Variants in BNC2 observed in about 807,000 individuals in gnomAD.
The protein encoded by BNC2 is zinc finger protein basonuclin-2.
In BNC2, 20 loss-of-function variants were observed where a neutral mutation model predicts 76.3. The observed-to-expected ratio is 0.26, with a 90% CI of 0.18 to 0.38. The LOEUF is 0.38. Ranked by LOEUF, BNC2 falls within the 10% of genes least tolerant of loss-of-function variation. The probability of loss-of-function intolerance (pLI) is 1.00; values close to 1 mark genes in which losing one functional copy is unlikely to be tolerated. For synonymous variants in BNC2, 582 were observed against 514.8 expected (o/e 1.13, Z -1.77); for missense variants, 1,382 against 1,399.8 (o/e 0.99, Z 0.20).
intron 1 of BNC2, among the ~76,000 whole-genome samples, chr9:16,858,521 C>G (rs1819318059): frequency 6.6e-6 from 1 of 152,128 alleles, no homozygotes. Context: ...GCAACAAAAG[C>G]AAGAATAGAC....
chr9:16,549,838 T>C (rs10962482), intron 5 of BNC2, among the ~76,000 whole-genome samples: 7,207 of 152,178 alleles, frequency 0.047, 386 homozygotes, highest in East Asian at 0.24. Flanking sequence ...ATCATTTAAA[T>C]AAAATCTATA....
chr9:16,564,375 A>C (rs1197812605), intron 4 of BNC2, among the ~76,000 whole-genome samples: 1 of 152,204 alleles, frequency 6.6e-6, no homozygotes, highest in Non-Finnish European at 1.5e-5. Context: ...GCTAAGAAGT[A>C]GGAGGAAAAA....
At chr9:16,506,799 T>G (rs1407600733) in intron 5 of BNC2, among the ~76,000 whole-genome samples, 1 of 151,950 alleles carries the variant, frequency 6.6e-6, no homozygotes, top group Non-Finnish European at 1.5e-5. Flanking sequence ...TCACCCAGGC[T>G]GGAGTGCAGT....
At chr9:16,557,477 C>T (rs763964068) in intron 4 of BNC2, among the ~76,000 whole-genome samples, 2 of 150,122 alleles carry the variant, frequency 1.3e-5, no homozygotes, top group Non-Finnish European at 3.0e-5. Flanking sequence ...CTAGCCTGGG[C>T]GACAGAGTGA....
intron 3 of BNC2, among the ~76,000 whole-genome samples, chr9:16,703,863 TTCTTA>T (rs1823585840): frequency 6.6e-6 from 1 of 152,132 alleles, no homozygotes; most frequent in South Asian, 2.1e-4. Context: ...TCCAAGTTTT[TTCTTA>T]TAACTATTTG....
At chr9:16,605,575 A>T (rs1354209421) in intron 3 of BNC2, among the ~76,000 whole-genome samples, 1 of 152,242 alleles carries the variant, frequency 6.6e-6, no homozygotes, top group Non-Finnish European at 1.5e-5. Flanking sequence ...CAAGTGCTAC[A>T]TAAAACTGTT....
intron 1 of BNC2, among the ~76,000 whole-genome samples, chr9:16,786,109 T>C (rs12000227): frequency 0.018 from 2,700 of 152,100 alleles, 73 homozygotes; most frequent in African/African-American, 0.062. Flanking sequence ...AAGAGTGGAG[T>C]GGCTTAGAAT....
Position 16,573,237 on chromosome 9 carries a change from AC to A in BNC2, c.433+9745del, listed in dbSNP as rs1248873794. On this transcript the variant is annotated intron_variant, in intron 4 of 6. Coordinates refer to ENST00000380672, the MANE Select transcript of BNC2 (RefSeq NM_017637.6). ...ACCCTGTCTCAAAAAAAAAAAAAAAACAGAAAAAGAAAAAGAAAGAAATATA... is the reference window on the plus strand; with the variant it reads ...ACCCTGTCTCAAAAAAAAAAAAAAAAAGAAAAAGAAAAAGAAAGAAATATA... 4.5e-3 allele frequency among the ~76,000 whole-genome samples: 466 copies of A among 104,508 alleles called. 9 individuals carry two copies. Among genetic ancestry groups the A allele is most frequent in the African/African-American group, 0.031 (420 of 13,464 alleles). 68.6% of individuals were successfully genotyped at this position (104,508 alleles called of 152,430 possible).
chr9:16,798,014 A>G lies in BNC2; in HGVS notation c.4-59529T>C, dbSNP rs74509618. On this transcript the variant is annotated intron_variant, in intron 1 of 6. Coordinates refer to ENST00000380672, the MANE Select transcript of BNC2 (RefSeq NM_017637.6). ...AATTACCAGCTAGGCTCTGCAATCC[A>G]TCAGTTCACCCTGGGCATTCCTGCT... Among the ~76,000 whole-genome samples, 1,091 of 152,244 alleles carry G rather than the reference A, an allele frequency of 7.2e-3. 13 individuals are homozygous for G. The highest frequency in any genetic ancestry group is 0.025 in the African/African-American group (1,019 of 41,538).
At chr9:16,751,903 C>CAA (rs1432604404) in intron 1 of BNC2, among the ~76,000 whole-genome samples, 41 of 151,758 alleles carry the variant, frequency 2.7e-4, no homozygotes, top group African/African-American at 8.7e-4. Flanking sequence ...GTGGCGGGCG[C>CAA]CTGTAATCTC....
At chr9:16,601,153 C>T (rs908563579) in intron 3 of BNC2, among the ~76,000 whole-genome samples, 11 of 152,116 alleles carry the variant, frequency 7.2e-5, no homozygotes, top group African/African-American at 2.7e-4. Context: ...AAACTCTTAC[C>T]TATTAAATAT....
intron 1 of BNC2, among the ~76,000 whole-genome samples, chr9:16,843,398 T>C (rs1009931252): frequency 6.6e-5 from 10 of 152,220 alleles, no homozygotes; most frequent in African/African-American, 2.4e-4. Context: ...GGCAAAAATC[T>C]CAGCTTACTG....
chr9:16,431,260 T>C, intron 6 of BNC2: 1 of 251,016 alleles, frequency 4.0e-6, no homozygotes, highest in Non-Finnish European at 8.5e-6. Flanking sequence ...CAGAGGGTAT[T>C]TGTTATTTTT....
intron 3 of BNC2, among the ~76,000 whole-genome samples, chr9:16,630,190 AAC>A (rs146727636): frequency 0.12 from 19,006 of 152,178 alleles, 2,215 homozygotes; most frequent in African/African-American, 0.31. Flanking sequence ...TACACTGATA[AAC>A]AGACATATAA....
chr9:16,481,632 C>T (rs75179897), intron 5 of BNC2, among the ~76,000 whole-genome samples: 11,486 of 152,224 alleles, frequency 0.075, 567 homozygotes, highest in African/African-American at 0.14. Flanking sequence ...TCGCTGATAT[C>T]ACTGCTAACT....
At chr9:16,573,520 G>A (rs571965114) in intron 4 of BNC2, among the ~76,000 whole-genome samples, 26,831 of 151,988 alleles carry the variant, frequency 0.18, 4,400 homozygotes, top group African/African-American at 0.43. Context: ...TTATTGGACA[G>A]CCAGGTGTAG....
At chr9:16,781,623 G>T (rs922333174) in intron 1 of BNC2, among the ~76,000 whole-genome samples, 7 of 152,124 alleles carry the variant, frequency 4.6e-5, no homozygotes, top group African/African-American at 1.2e-4. Context: ...AAGGAAATAT[G>T]AAAGATTTAA....
At chr9:16,855,949 G>C (rs906670584) in intron 1 of BNC2, among the ~76,000 whole-genome samples, 2 of 152,072 alleles carry the variant, frequency 1.3e-5, no homozygotes, top group African/African-American at 4.8e-5. Context: ...ACATTTACTT[G>C]CTGGCTGCTA....
intron 5 of BNC2, among the ~76,000 whole-genome samples, chr9:16,456,077 A>G (rs1262822854): frequency 6.6e-6 from 1 of 152,070 alleles, no homozygotes; most frequent in Non-Finnish European, 1.5e-5. Flanking sequence ...TACTCATCAT[A>G]TCTATTAGAG....
Sources: gnomAD v4.1 joint callset for allele counts (sites outside exome capture counted in the v4.1 genomes callset) on GRCh38, gnomAD v4.1.1 for gene constraint, MANE v1.5 for transcripts, NCBI Gene and HGNC (gene_info 2026-07-23, HGNC 2026-07-21) for gene names.